SBF2: variants seen among roughly 807,000 people sequenced by gnomAD.
SBF2 encodes the protein SET binding factor 2.
A neutral mutation model predicts 225.2 loss-of-function variants in SBF2; 112 were observed. The observed-to-expected ratio is 0.50, with a 90% CI of 0.43 to 0.58. The LOEUF is 0.58. SBF2 is among the 20% of genes least tolerant of loss of function. SBF2 has a pLI of 0.00. For missense variants in SBF2, 1,996 were observed against 2,206.2 expected (o/e 0.90, Z 1.91); for synonymous variants, 763 against 773.3 (o/e 0.99, Z 0.22).
chr11:10,179,356 A>T (rs1048129090), intron 2 of SBF2, among the ~76,000 whole-genome samples: 6 of 151,256 alleles, frequency 4.0e-5, no homozygotes, highest in African/African-American at 1.2e-4. Flanking sequence ...ATAATAAATT[A>T]AAAAACAAAC....
rs202015644 is a variant in SBF2, at chr11:9,812,514, A to T, written c.4155+18T>A. On this transcript the variant is annotated intron_variant, in intron 30 of 39. Coordinates refer to ENST00000256190, the MANE Select transcript of SBF2 (RefSeq NM_030962.4). ...TGTTTCTTTGAGTTATAAAGAAAGA[A>T]GCTGCTTCAGACATTACCTGTGGGA... 6.2e-7 allele frequency: 1 copy of T among 1,613,952 alleles called. No homozygotes were observed. The highest frequency in any genetic ancestry group is 8.5e-7 in the Non-Finnish European group (1 of 1,179,856).
chr11:10,126,212 G>A lies in SBF2; in HGVS notation c.141+67690C>T, dbSNP rs78611803. The stretch of plus-strand genomic sequence containing the variant: ...TGCACAAAATGTTTTATCATTTTTG[G>A]TACTATCTAAATCTGTGGTTATACT... On this transcript the variant is annotated intron_variant, in intron 2 of 39. Transcript: ENST00000256190. Among the ~76,000 whole-genome samples the A allele has an allele frequency of 4.4e-3, 675 of 152,096 alleles. 3 individuals carry two copies. The highest frequency in any genetic ancestry group is 0.016 in the African/African-American group (661 of 41,528).
At chr11:10,075,082 C>T (rs1951041094) in intron 2 of SBF2, among the ~76,000 whole-genome samples, 1 of 152,176 alleles carries the variant, frequency 6.6e-6, no homozygotes, top group African/African-American at 2.4e-5. Context: ...GGCAATTTAT[C>T]AGATATACTG....
chr11:9,832,291 G>C lies in SBF2; in HGVS notation c.3585C>G (p.Leu1195=), dbSNP rs1855448824. The C allele has an allele frequency of 6.2e-7, 1 of 1,614,176 alleles. No individual in the cohort carries two copies. Among genetic ancestry groups the C allele is most frequent in the African/African-American group, 1.3e-5 (1 of 75,040 alleles). ...CCTTCCCATGGAATCCTCCAGATCG[G>C]AGGAGCAGAGTACCACTTCTTGAGT... ...WKNSRSGTLL[L]RSGGFHGKGV... The change falls in exon 27 of 40, where the codon CTC becomes CTG. Residue 1195 remains leucine, a synonymous_variant. Transcript: ENST00000256190.
At chr11:10,147,096 G>T (rs528030819) in intron 2 of SBF2, among the ~76,000 whole-genome samples, 153 of 151,192 alleles carry the variant, frequency 1.0e-3, no homozygotes, top group African/African-American at 3.6e-3. Context: ...GTGGAGAAAA[G>T]GGAACACTTA....
chr11:10,229,660 G>C (rs1194899778), intron 1 of SBF2, among the ~76,000 whole-genome samples: 1 of 152,186 alleles, frequency 6.6e-6, no homozygotes, highest in Non-Finnish European at 1.5e-5. Context: ...TAGTTTGATT[G>C]CACTGTGGTC....
intron 2 of SBF2, among the ~76,000 whole-genome samples, chr11:10,142,271 G>T (rs2135140149): frequency 6.6e-6 from 1 of 152,120 alleles, no homozygotes; most frequent in East Asian, 1.9e-4. Context: ...TTCCTTAATT[G>T]CTAGAGACTA....
intron 16 of SBF2, chr11:9,957,523 G>A (rs1349532505): frequency 6.6e-6 from 1 of 151,698 alleles, no homozygotes; most frequent in Non-Finnish European, 1.5e-5. Context: ...GCAGTGGCAT[G>A]ATCTCGGCTC....
chr11:10,006,358 T>C (rs767996120), intron 6 of SBF2, among the ~76,000 whole-genome samples: 6 of 152,200 alleles, frequency 3.9e-5, no homozygotes, highest in Admixed American at 1.3e-4. Flanking sequence ...TGTTGGTACA[T>C]TGCCAGGACA....
At position 9,983,421 on chromosome 11, in the gene SBF2, C is replaced by A. The variant is rs114086312; in HGVS notation, c.1395+6076G>T. ...CCCCCATCCCCCACAGCAGCTACAT[C>A]AAGACCCGCCCAAAGAGAATCTGAG... On this transcript the variant is annotated intron_variant, in intron 13 of 39. Coordinates refer to ENST00000256190, the MANE Select transcript of SBF2 (RefSeq NM_030962.4). 1.3e-3 allele frequency among the ~76,000 whole-genome samples: 193 copies of A among 152,268 alleles called. 1 individual carries two copies. The highest frequency in any genetic ancestry group is 4.2e-3 in the African/African-American group (176 of 41,554).
At chr11:10,129,680 G>C (rs754143269) in intron 2 of SBF2, among the ~76,000 whole-genome samples, 17 of 151,830 alleles carry the variant, frequency 1.1e-4, no homozygotes, top group Non-Finnish European at 2.2e-4. Flanking sequence ...AAATTATCTT[G>C]TGAATATTAA....
At chr11:10,222,922 T>C (rs181385942) in intron 1 of SBF2, among the ~76,000 whole-genome samples, 1 of 152,250 alleles carries the variant, frequency 6.6e-6, no homozygotes, top group African/African-American at 2.4e-5. Context: ...AGGCAATAAA[T>C]GAGTTTCAAT....
At chr11:10,160,794 C>T (rs1955694916) in intron 2 of SBF2, among the ~76,000 whole-genome samples, 1 of 152,176 alleles carries the variant, frequency 6.6e-6, no homozygotes, top group South Asian at 2.1e-4. Flanking sequence ...TCTGCACAAG[C>T]AGCTATCTCT....
At chr11:9,791,603 G>A (rs1828626103) in intron 33 of SBF2, among the ~76,000 whole-genome samples, 1 of 152,180 alleles carries the variant, frequency 6.6e-6, no homozygotes, top group Admixed American at 6.5e-5. Flanking sequence ...CAGTGTCCAG[G>A]TCTCACCTCA....
chr11:9,987,616 A>C (rs1210671275), intron 13 of SBF2, among the ~76,000 whole-genome samples: 1 of 152,238 alleles, frequency 6.6e-6, no homozygotes, highest in African/African-American at 2.4e-5. Context: ...GCTCTTCAAT[A>C]AACCAACAGC....
chr11:9,801,258 A>G (rs1250296624), intron 32 of SBF2, among the ~76,000 whole-genome samples: 2 of 152,232 alleles, frequency 1.3e-5, no homozygotes, highest in Non-Finnish European at 2.9e-5. Context: ...ACTAAACTGC[A>G]TGAAGCATTT....
chr11:10,270,120 T>C (rs897904483), intron 1 of SBF2, among the ~76,000 whole-genome samples: 4 of 152,138 alleles, frequency 2.6e-5, no homozygotes, highest in African/African-American at 9.7e-5. Flanking sequence ...AAATTATATA[T>C]TAAAATGATA....
At chr11:9,837,146 G>A (rs1855778168) in intron 26 of SBF2, among the ~76,000 whole-genome samples, 1 of 152,034 alleles carries the variant, frequency 6.6e-6, no homozygotes, top group Admixed American at 6.6e-5. Context: ...GGTGATAATG[G>A]GCATCCTTGT....
intron 2 of SBF2, among the ~76,000 whole-genome samples, chr11:10,098,850 GAAAAAGAAAA>G (rs1457928086): frequency 2.0e-5 from 3 of 149,076 alleles, no homozygotes; most frequent in African/African-American, 4.9e-5. Context: ...AGTCAGAGGA[GAAAAAGAAAA>G]AAAAAGAATG....
Sources: gnomAD v4.1 joint callset for allele counts (sites outside exome capture counted in the v4.1 genomes callset) on GRCh38, gnomAD v4.1.1 for gene constraint, MANE v1.5 for transcripts, NCBI Gene and HGNC (gene_info 2026-07-23, HGNC 2026-07-21) for gene names.